Variants in CA5A observed in about 807,000 individuals in gnomAD.
CA5A encodes carbonic anhydrase 5A, mitochondrial.
In CA5A, 28 loss-of-function variants were observed where a neutral mutation model predicts 37.1. That is an observed-to-expected ratio of 0.75 (90% CI 0.56 to 1.03). The LOEUF is 1.03. Ranked by LOEUF, CA5A falls within the 50% of genes least tolerant of loss-of-function variation. CA5A has a pLI of 0.00. For missense variants in CA5A, 444 were observed against 399.9 expected (o/e 1.11, Z -0.94); for synonymous variants, 171 against 158.4 (o/e 1.08, Z -0.60).
At chr16:87,907,446 T>C (rs1465412044) in intron 2 of CA5A, among the ~76,000 whole-genome samples, 7 of 152,180 alleles carry the variant, frequency 4.6e-5, no homozygotes, top group Admixed American at 2.0e-4. Flanking sequence ...TCTCTTGGGA[T>C]GGGCTCACTC....
chr16:87,908,008 G>T (rs1386966330), intron 2 of CA5A, among the ~76,000 whole-genome samples: 2 of 152,222 alleles, frequency 1.3e-5, no homozygotes, highest in African/African-American at 4.8e-5. Context: ...GCAGGAAGGG[G>T]TCATCGAAGG....
At chr16:87,925,812 C>G (rs1334611285) in intron 2 of CA5A, among the ~76,000 whole-genome samples, 1 of 152,116 alleles carries the variant, frequency 6.6e-6, no homozygotes, top group African/African-American at 2.4e-5. Context: ...CCAGCCCACC[C>G]CGTCCCTCCA....
chr16:87,896,442 G>T (rs1220437811), intron 5 of CA5A, among the ~76,000 whole-genome samples: 1 of 152,180 alleles, frequency 6.6e-6, no homozygotes, highest in African/African-American at 2.4e-5. Context: ...CCCCCTCAGG[G>T]CCCCCAAAGC....
intron 2 of CA5A, among the ~76,000 whole-genome samples, chr16:87,923,004 G>A (rs1159921972): frequency 6.6e-6 from 1 of 152,230 alleles, no homozygotes; most frequent in Non-Finnish European, 1.5e-5. Context: ...AGCCCTTGGT[G>A]AGGAGAAGTG....
At position 87,917,329 on chromosome 16, in the gene CA5A, G is replaced by A. The variant is rs1008963939; in HGVS notation, c.340+9419C>T. ...TTAGTGCAGGGCTGGGCCAATCAGAGTCACTGCTCTGGGAATTTAGAATTG... is the reference window on the plus strand; with the variant it reads ...TTAGTGCAGGGCTGGGCCAATCAGAATCACTGCTCTGGGAATTTAGAATTG... On this transcript the variant is annotated intron_variant, in intron 2 of 6. Coordinates refer to ENST00000649794, the MANE Select transcript of CA5A (RefSeq NM_001739.2). 2.0e-5 allele frequency among the ~76,000 whole-genome samples: 3 copies of A among 152,124 alleles called. No homozygotes were observed. In the East Asian group the frequency reaches 5.8e-4, roughly 29 times the overall value.
At chr16:87,919,186 T>C (rs1169536488) in intron 2 of CA5A, among the ~76,000 whole-genome samples, 1 of 152,140 alleles carries the variant, frequency 6.6e-6, no homozygotes, top group Non-Finnish European at 1.5e-5. Context: ...ACAGCAGCAG[T>C]GGCCTTGGAC....
intron 6 of CA5A, among the ~76,000 whole-genome samples, chr16:87,889,428 T>A (rs1378226966): frequency 6.6e-6 from 1 of 152,222 alleles, no homozygotes; most frequent in Non-Finnish European, 1.5e-5. Context: ...ACACCTATAA[T>A]GTAAATGCTA....
At chr16:87,928,461 G>C (rs2056345665) in intron 1 of CA5A, among the ~76,000 whole-genome samples, 1 of 152,160 alleles carries the variant, frequency 6.6e-6, no homozygotes, top group Admixed American at 6.5e-5. Flanking sequence ...GATTAGAAGT[G>C]TGTACCACCA....
chr16:87,908,045 T>C (rs1034260392), intron 2 of CA5A, among the ~76,000 whole-genome samples: 3 of 152,190 alleles, frequency 2.0e-5, no homozygotes, highest in Non-Finnish European at 4.4e-5. Context: ...ATGGGATGAA[T>C]GAATACAGGA....
intron 2 of CA5A, among the ~76,000 whole-genome samples, chr16:87,913,111 T>C (rs985062351): frequency 4.6e-5 from 7 of 151,498 alleles, no homozygotes; most frequent in Non-Finnish European, 1.5e-5. Context: ...CTCCTGTAGC[T>C]GGGATTACAG....
intron 2 of CA5A, 68 bp from the exon 3 acceptor site, chr16:87,904,972 G>A: frequency 1.9e-5 from 18 of 970,994 alleles, no homozygotes; most frequent in Non-Finnish European, 2.9e-5. Context: ...GTTACCTGAG[G>A]CATTGTCTAC....
intron 2 of CA5A, among the ~76,000 whole-genome samples, chr16:87,910,590 T>G (rs1364279428): frequency 1.3e-5 from 2 of 152,128 alleles, no homozygotes; most frequent in Admixed American, 6.6e-5. Flanking sequence ...GTGACTTCTT[T>G]TTTTTTAGGT....
intron 5 of CA5A, among the ~76,000 whole-genome samples, chr16:87,900,951 C>T (rs1447841381): frequency 1.3e-5 from 2 of 152,206 alleles, no homozygotes; most frequent in African/African-American, 2.4e-5. Flanking sequence ...CTAGGCTGGG[C>T]GCGGTGATTC....
intron 2 of CA5A, among the ~76,000 whole-genome samples, chr16:87,909,853 C>T (rs1309415662): frequency 1.3e-5 from 2 of 152,202 alleles, no homozygotes; most frequent in African/African-American, 4.8e-5. Flanking sequence ...GTAGACAACA[C>T]AGCATGGGGT....
chr16:87,908,413 C>T lies in CA5A; in HGVS notation c.341-3509G>A, dbSNP rs535399636. Among the ~76,000 whole-genome samples, 114 of 152,274 alleles carry T rather than the reference C, an allele frequency of 7.5e-4. 2 individuals carry two copies. In the South Asian group the frequency reaches 0.02, roughly 27 times the overall value. On this transcript the variant is annotated intron_variant, in intron 2 of 6. Transcript: ENST00000649794. ...CGCATCGCACACCCTTCAGGGGCTCCGCAGCTTCGTCTGTGTAAAGAGAGT... is the reference window on the plus strand; with the variant it reads ...CGCATCGCACACCCTTCAGGGGCTCTGCAGCTTCGTCTGTGTAAAGAGAGT...
intron 1 of CA5A, among the ~76,000 whole-genome samples, chr16:87,932,473 C>T (rs1336180228): frequency 6.6e-6 from 1 of 152,212 alleles, no homozygotes; most frequent in Non-Finnish European, 1.5e-5. Flanking sequence ...GGCTCATTGC[C>T]ACCTGCACGG....
intron 2 of CA5A, among the ~76,000 whole-genome samples, chr16:87,914,387 T>C (rs768477158): frequency 6.6e-6 from 1 of 152,188 alleles, no homozygotes; most frequent in Non-Finnish European, 1.5e-5. Context: ...GGTGGGATGA[T>C]GGCATATTGA....
At chr16:87,906,991 T>C (rs1597560783) in intron 2 of CA5A, among the ~76,000 whole-genome samples, 1 of 151,484 alleles carries the variant, frequency 6.6e-6, no homozygotes, top group Admixed American at 6.6e-5. Flanking sequence ...CCAAGGCGGG[T>C]GTATCACTTG....
chr16:87,899,450 C>G (rs2143937060), intron 5 of CA5A, among the ~76,000 whole-genome samples: 1 of 150,736 alleles, frequency 6.6e-6, no homozygotes, highest in African/African-American at 2.4e-5. Context: ...TTACAGGCAC[C>G]CGCCACCACG....
Sources: allele counts gnomAD v4.1 joint callset (sites outside exome capture counted in the v4.1 genomes callset), GRCh38; gene constraint gnomAD v4.1.1; transcripts MANE v1.5; gene names NCBI Gene and HGNC (gene_info 2026-07-23, HGNC 2026-07-21).